Variants in SRPK2 observed in about 807,000 individuals in gnomAD.
SRPK2 encodes SRSF protein kinase 2.
Under a neutral mutation model 90.8 loss-of-function variants are expected in SRPK2, and 21 were observed. That is an observed-to-expected ratio of 0.23 (90% confidence interval 0.16 to 0.33). The LOEUF (loss-of-function observed/expected upper bound fraction) is 0.33, where lower values mean the gene tolerates loss of function less well. Among genes scored for constraint, SRPK2 ranks in the 10% least tolerant of loss-of-function variants. The pLI is 1.00. For missense variants in SRPK2, 620 were observed against 869.0 expected (o/e 0.71, Z 3.60); for synonymous variants, 288 against 311.1 (o/e 0.93, Z 0.78).
At chr7:105,204,450 G>C in intron 2 of SRPK2, 1 of 308,420 alleles carries the variant, frequency 3.2e-6, no homozygotes, top group Middle Eastern at 4.0e-4. Flanking sequence ...TCTATGAGGA[G>C]AATGGTTCAT....
At chr7:105,133,848 G>A (rs1802391116) in intron 11 of SRPK2, among the ~76,000 whole-genome samples, 1 of 152,092 alleles carries the variant, frequency 6.6e-6, no homozygotes, top group South Asian at 2.1e-4. Context: ...ATGACTCCAG[G>A]GAATCTCAAA....
chr7:105,177,432 CAAT>C (rs1186080918), intron 3 of SRPK2, among the ~76,000 whole-genome samples: 1 of 152,018 alleles, frequency 6.6e-6, no homozygotes, highest in African/African-American at 2.4e-5. Flanking sequence ...TATTTGTTGT[CAAT>C]GATGTTCTTA....
Position 105,125,025 on chromosome 7 carries a change from G to C in SRPK2, c.1915+1223C>G, listed in dbSNP as rs550962508. 6.2e-4 allele frequency among the ~76,000 whole-genome samples: 94 copies of C among 151,350 alleles called. 1 individual carries two copies. The highest frequency in any genetic ancestry group is 2.0e-3 in the African/African-American group (84 of 41,228). On this transcript the variant is annotated intron_variant, in intron 15 of 15. Coordinates refer to ENST00000393651, the MANE Select transcript of SRPK2 (RefSeq NM_182692.3). ...TGTGCCTGTAATCCCAGCTACATGG[G>C]AGGCTGCGGCAGGAGAATTGCTTGA...
In SRPK2 at chr7:105,368,328, G is replaced by A. The variant is rs118169745; in HGVS notation, c.71+20320C>T. On this transcript the variant is annotated intron_variant, in intron 2 of 15. Coordinates refer to ENST00000393651, the MANE Select transcript of SRPK2 (RefSeq NM_182692.3). ...AGATGCACATGATAAAACCGTGCAG[G>A]TCCATGTGACCTGTTAAGGGTCTCT... Among the ~76,000 whole-genome samples the A allele has an allele frequency of 2.8e-3, 425 of 152,226 alleles. 9 individuals carry two copies. The East Asian group carries it at 0.054, about 19-fold the overall frequency.
At chr7:105,268,162 G>A (rs1805352066) in intron 2 of SRPK2, among the ~76,000 whole-genome samples, 1 of 152,120 alleles carries the variant, frequency 6.6e-6, no homozygotes, top group Non-Finnish European at 1.5e-5. Flanking sequence ...TCATATGATT[G>A]ACAGATAAAA....
intron 2 of SRPK2, among the ~76,000 whole-genome samples, chr7:105,241,074 C>T (rs1800756142): frequency 6.6e-6 from 1 of 152,056 alleles, no homozygotes; most frequent in East Asian, 1.9e-4. Context: ...AATAAATTAG[C>T]TTTAAAAGAG....
At chr7:105,210,172 A>T (rs1311493976) in intron 2 of SRPK2, among the ~76,000 whole-genome samples, 1 of 152,248 alleles carries the variant, frequency 6.6e-6, no homozygotes. Context: ...TTTAGTAGGA[A>T]AAATGTCCTC....
At chr7:105,283,794 C>T (rs1322064736) in intron 2 of SRPK2, among the ~76,000 whole-genome samples, 2 of 151,922 alleles carry the variant, frequency 1.3e-5, no homozygotes, top group Non-Finnish European at 1.5e-5. Context: ...AGTTCGAGAC[C>T]AGCCTAGGTA....
chr7:105,281,570 T>C (rs1220114293), intron 2 of SRPK2, among the ~76,000 whole-genome samples: 2 of 151,880 alleles, frequency 1.3e-5, no homozygotes, highest in African/African-American at 2.4e-5. Flanking sequence ...GAGGATCACT[T>C]GAGCCTTGAA....
At chr7:105,285,115 G>A (rs1256072668) in intron 2 of SRPK2, among the ~76,000 whole-genome samples, 2 of 152,158 alleles carry the variant, frequency 1.3e-5, no homozygotes, top group African/African-American at 2.4e-5. Context: ...GCCAGGTGCT[G>A]TGGCTCCAGC....
chr7:105,260,443 A>C (rs915299326), intron 2 of SRPK2, among the ~76,000 whole-genome samples: 2 of 152,218 alleles, frequency 1.3e-5, no homozygotes, highest in East Asian at 3.8e-4. Flanking sequence ...TGGGAGTGTA[A>C]ATTAGTTCAA....
intron 2 of SRPK2, among the ~76,000 whole-genome samples, chr7:105,301,125 C>T (rs1434157633): frequency 3.9e-5 from 6 of 152,138 alleles, no homozygotes; most frequent in Admixed American, 3.9e-4. Flanking sequence ...CCCAAATGTC[C>T]ATCAATGATA....
chr7:105,301,671 G>C, intron 2 of SRPK2: 2 of 1,611,512 alleles, frequency 1.2e-6, no homozygotes, highest in Admixed American at 3.3e-5. Flanking sequence ...AGATTTCCTG[G>C]ACAGAAACAT....
chr7:105,326,243 G>C (rs530638562), intron 2 of SRPK2, among the ~76,000 whole-genome samples: 5 of 152,114 alleles, frequency 3.3e-5, no homozygotes, highest in Admixed American at 2.6e-4. Flanking sequence ...CTAGACTATT[G>C]CAACAGCATG....
intron 2 of SRPK2, among the ~76,000 whole-genome samples, chr7:105,296,470 A>G (rs1809828875): frequency 6.6e-6 from 1 of 152,218 alleles, no homozygotes; most frequent in Non-Finnish European, 1.5e-5. Context: ...CAGTTAGTGT[A>G]TAAGATTTTA....
chr7:105,236,671 C>G (rs1011517604), intron 2 of SRPK2, among the ~76,000 whole-genome samples: 2 of 151,994 alleles, frequency 1.3e-5, no homozygotes, highest in Non-Finnish European at 2.9e-5. Context: ...CTCAATGATA[C>G]CACTTATAAC....
rs929970692 is a variant in SRPK2 at position 105,270,269 on chromosome 7, G to A, written c.72-66484C>T. Reference sequence around the variant, plus strand: ...AGAGCAGAGCACAGCGCCTATAGCTGGGGTGGTGCTGAGACTCACCTTGAG... The same window carrying A: ...AGAGCAGAGCACAGCGCCTATAGCTAGGGTGGTGCTGAGACTCACCTTGAG... On this transcript the variant is annotated intron_variant, in intron 2 of 15. Coordinates refer to ENST00000393651, the MANE Select transcript of SRPK2 (RefSeq NM_182692.3). 3.3e-5 allele frequency among the ~76,000 whole-genome samples: 5 copies of A among 152,208 alleles called. No individual in the cohort carries two copies. In the South Asian group the frequency reaches 1.0e-3, roughly 32 times the overall value.
chr7:105,384,901 G>A (rs1433694429), intron 2 of SRPK2, among the ~76,000 whole-genome samples: 2 of 151,338 alleles, frequency 1.3e-5, no homozygotes, highest in African/African-American at 4.9e-5. Context: ...TTTTGAGACG[G>A]AGTCTGGCTC....
At chr7:105,259,646 C>G (rs963830640) in intron 2 of SRPK2, among the ~76,000 whole-genome samples, 1 of 152,188 alleles carries the variant, frequency 6.6e-6, no homozygotes, top group African/African-American at 2.4e-5. Flanking sequence ...TACTACAAGG[C>G]TACAGTAACC....
Sources: gnomAD v4.1 joint callset for allele counts (sites outside exome capture counted in the v4.1 genomes callset) on GRCh38, gnomAD v4.1.1 for gene constraint, MANE v1.5 for transcripts, NCBI Gene and HGNC (gene_info 2026-07-23, HGNC 2026-07-21) for gene names.